The following GFM1 variants were observed in gnomAD, a reference collection of about 807,000 sequenced individuals.
GFM1 encodes the protein G elongation factor mitochondrial 1, also known as elongation factor G, mitochondrial.
A neutral mutation model predicts 96.2 loss-of-function variants in GFM1; 62 were observed. That is an observed-to-expected ratio of 0.64 (90% CI 0.53 to 0.80). The LOEUF (loss-of-function observed/expected upper bound fraction) is 0.80. Ranked by LOEUF, GFM1 falls within the 30% of genes least tolerant of loss-of-function variation. The pLI is 0.00. For missense variants in GFM1, 852 were observed against 916.6 expected, an observed-to-expected ratio of 0.93 and a Z score of 0.91; for synonymous variants, 282 against 312.9, an observed-to-expected ratio of 0.90 and a Z score of 1.04.
rs1488588579 is a variant in GFM1, at chr3:158,690,305, T to C, written c.2052T>C (p.Tyr684=). The C allele has an allele frequency of 1.9e-6, 3 of 1,613,718 alleles. No individual in the cohort carries two copies. In the African/African-American group the frequency reaches 4.0e-5, roughly 22 times the overall value. ...VITGQDGVED[Y]FTLYADVPLN... ...CTGGGCAAGATGGAGTTGAGGACTA[T>C]TTTACACTGTATGCAGATGTAAGTA... Residue 684 remains tyrosine, a synonymous_variant, in exon 16 of 18, where the codon TAT becomes TAC. Transcript: ENST00000486715.
rs188499076 is a variant in GFM1 at position 158,651,957 on chromosome 3, T to C, written c.690-139T>C. 4.2e-6 allele frequency: 3 copies of C among 706,996 alleles called. No homozygotes were observed. In the African/African-American group the frequency reaches 5.3e-5, roughly 12 times the overall value. 43.8% of individuals were successfully genotyped at this position (706,996 alleles called of 1,614,324 possible). On this transcript the variant is annotated intron_variant, in intron 5 of 17. Transcript: ENST00000486715. ...ACATTTTAAAGGTATACATTAGTCT[T>C]ATTTGCCATTTGAATGCAAATGTAT...
chr3:158,682,373 T>G (rs542060557), intron 14 of GFM1: 1 of 531,818 alleles, frequency 1.9e-6, no homozygotes, highest in African/African-American at 1.9e-5. Flanking sequence ...GGGAAATTAT[T>G]ATGTTTCTGA....
chr3:158,666,487 T>C (rs1723694129), intron 13 of GFM1, 101 bp downstream of exon 13: 2 of 1,151,562 alleles, frequency 1.7e-6, no homozygotes, highest in Non-Finnish European at 2.6e-6. Context: ...TTTTATGTAG[T>C]GATACTTTGT....
In GFM1 at chr3:158,662,687, A is replaced by G. The variant is rs763873596; in HGVS notation, c.1380+3A>G. On this transcript the variant is annotated splice_donor_region_variant and intron_variant, in intron 11 of 17. Transcript: ENST00000486715. ...TAGCAATGAAGCCTTCTAACAAGGTAGGAGTTTGATTTAAAGCTCAGTATA... is the reference window on the plus strand; with the variant it reads ...TAGCAATGAAGCCTTCTAACAAGGTGGGAGTTTGATTTAAAGCTCAGTATA... 1 of 1,576,136 alleles carries G rather than the reference A, an allele frequency of 6.3e-7. No individual in the cohort carries two copies. The highest frequency in any genetic ancestry group is 8.7e-7 in the Non-Finnish European group (1 of 1,145,780).
At chr3:158,672,306 C>T (rs750286675) in intron 13 of GFM1, 1 of 1,607,178 alleles carries the variant, frequency 6.2e-7, no homozygotes, top group Non-Finnish European at 8.5e-7. Context: ...GGAGGGAGCG[C>T]AATCCTGAAG....
chr3:158,680,957 A>G (rs989341009), intron 13 of GFM1, among the ~76,000 whole-genome samples: 6 of 152,210 alleles, frequency 3.9e-5, no homozygotes, highest in Non-Finnish European at 5.9e-5. Flanking sequence ...TAGACATCAC[A>G]GATCTAGAGT....
chr3:158,675,820 A>G (rs1724836398), intron 13 of GFM1, among the ~76,000 whole-genome samples: 1 of 152,212 alleles, frequency 6.6e-6, no homozygotes, highest in Non-Finnish European at 1.5e-5. Flanking sequence ...CTAATACATG[A>G]TACAGAGCTT....
chr3:158,650,124 C>T, intron 5 of GFM1: 1 of 1,348,154 alleles, frequency 7.4e-7, no homozygotes, highest in Non-Finnish European at 1.0e-6. Context: ...ATCTTGTAAG[C>T]AGGAAAAGGA....
chr3:158,652,097 C>G lies in GFM1; in HGVS notation c.691C>G (p.Gln231Glu), dbSNP rs1222939065. ...RAIYFDGDFG[Q>E]IVRYGEIPAE... ...GCACCAAAATATTTGCTTTCTTAGT[C>G]AGATTGTTCGATATGGTGAGATTCC... The change falls in exon 6 of 18, where the codon CAG becomes GAG. Residue 231 changes from glutamine to glutamate, a missense_variant and splice_region_variant. Physicochemically the swap from Gln to Glu is conservative, Grantham distance 29. Coordinates refer to ENST00000486715, the MANE Select transcript of GFM1 (RefSeq NM_024996.7). The G allele has an allele frequency of 1.1e-5, 18 of 1,613,636 alleles. No individual in the cohort carries two copies. The highest frequency in any genetic ancestry group is 1.5e-5 in the Non-Finnish European group (18 of 1,179,722).
chr3:158,647,674 G>A (rs1256781245), intron 4 of GFM1, among the ~76,000 whole-genome samples: 1 of 152,178 alleles, frequency 6.6e-6, no homozygotes, highest in Admixed American at 6.5e-5. Context: ...TGATATGAAA[G>A]TGAACATTTT....
Position 158,652,216 on chromosome 3 carries a change from A to G in GFM1, c.810A>G (p.Glu270=). 7 of 1,614,204 alleles carry G rather than the reference A, an allele frequency of 4.3e-6. No individual in the cohort carries two copies. Among genetic ancestry groups the G allele is most frequent in the Non-Finnish European group, 5.9e-6 (7 of 1,180,028 alleles). ...SDEQLGEMFL[E]EKIPSISDLK... is the part of the protein sequence containing the mutation. The stretch of plus-strand genomic sequence containing the variant: ...AACAGCTTGGTGAGATGTTTCTGGA[A>G]GAAAAAATCCCCTCGATTTCTGATT... Residue 270 remains glutamate (E), a synonymous_variant, in exon 6 of 18, where the codon GAA becomes GAG. Transcript: ENST00000486715.
chr3:158,679,095 C>A (rs1300050540), intron 13 of GFM1, among the ~76,000 whole-genome samples: 1 of 152,210 alleles, frequency 6.6e-6, no homozygotes, highest in Non-Finnish European at 1.5e-5. Flanking sequence ...CAAGCTAAGA[C>A]CCTCTAGGCT....
In GFM1 at chr3:158,659,213, C is replaced by T. The variant is rs368493815; in HGVS notation, c.1221+154C>T. The T allele has an allele frequency of 1.9e-4, 160 of 844,632 alleles. No individual in the cohort carries two copies. The East Asian group carries it at 3.1e-3, about 17-fold the overall frequency. 52.3% of individuals were successfully genotyped at this position (844,632 alleles called of 1,614,324 possible). A position where few individuals can be genotyped will look rare whatever the true frequency, so the allele number is the denominator to read the frequency against. On this transcript the variant is annotated intron_variant, in intron 9 of 17. Transcript: ENST00000486715. ...AATGTGTTGTAGCTCTGATCTAGCA[C>T]TTTGCTATAGGATAAATTAGCAGTT...
chr3:158,664,463 AC>A (rs1490861999), intron 11 of GFM1, among the ~76,000 whole-genome samples: 1 of 152,100 alleles, frequency 6.6e-6, no homozygotes, highest in Non-Finnish European at 1.5e-5. Context: ...GAAGACTGTT[AC>A]CTGAGGGCTG....
intron 15 of GFM1, chr3:158,684,998 C>A: frequency 5.6e-6 from 1 of 178,894 alleles, no homozygotes; most frequent in Non-Finnish European, 1.0e-5. Flanking sequence ...ATCTTAACTA[C>A]AGTCTTATTT....
rs1303879625 is a variant in GFM1 at position 158,659,122 on chromosome 3, G to C, written c.1221+63G>C. On this transcript the variant is annotated intron_variant, in intron 9 of 17. Coordinates refer to ENST00000486715, the MANE Select transcript of GFM1 (RefSeq NM_024996.7). ...GATGTGGGTGAAATAGACCCTTCTTGGTATCCTGAGCCCCACTAGAAAATT... is the reference window on the plus strand; with the variant it reads ...GATGTGGGTGAAATAGACCCTTCTTCGTATCCTGAGCCCCACTAGAAAATT... 1.9e-6 allele frequency: 3 copies of C among 1,559,246 alleles called. No individual in the cohort carries two copies. In the East Asian group the frequency reaches 6.7e-5, roughly 35 times the overall value.
At chr3:158,657,611 A>G (rs1038372184) in intron 8 of GFM1, 6 of 152,102 alleles carry the variant, frequency 3.9e-5, no homozygotes, top group African/African-American at 1.2e-4. Flanking sequence ...TTATTTGTAT[A>G]TATTTTGTTA....
intron 13 of GFM1, chr3:158,669,044 AG>A: frequency 1.2e-6 from 2 of 1,613,632 alleles, no homozygotes; most frequent in Non-Finnish European, 8.5e-7. Flanking sequence ...ATGTGTCTTC[AG>A]TAGAATTTTG....
At chr3:158,656,947 C>T (rs1189773227) in intron 8 of GFM1, 3 of 152,190 alleles carry the variant, frequency 2.0e-5, no homozygotes, top group South Asian at 4.1e-4. Flanking sequence ...ATTCCATGCC[C>T]TAACCCTAGA....
Sources: allele counts gnomAD v4.1 joint callset (sites outside exome capture counted in the v4.1 genomes callset), GRCh38; gene constraint gnomAD v4.1.1; transcripts MANE v1.5; gene names NCBI Gene and HGNC (gene_info 2026-07-23, HGNC 2026-07-21).